The following KALRN variants were observed in gnomAD, a reference collection of about 807,000 sequenced individuals.
KALRN encodes the protein kalirin.
In KALRN, 70 loss-of-function variants were observed where a neutral mutation model predicts 353.7. That is an observed-to-expected ratio of 0.20 (90% CI 0.16 to 0.24). KALRN has a LOEUF of 0.24. Ranked by LOEUF, KALRN falls within the 10% of genes least tolerant of loss-of-function variation. The pLI, the probability that KALRN is intolerant of heterozygous loss-of-function variation, is 1.00. For synonymous variants in KALRN, 1,391 were observed against 1,434.8 expected (o/e 0.97, Z 0.69); for missense variants, 2,791 against 3,756.7 (o/e 0.74, Z 6.72).
At chr3:124,270,886 G>A (rs1191580256) in intron 5 of KALRN, among the ~76,000 whole-genome samples, 2 of 141,600 alleles carry the variant, frequency 1.4e-5, no homozygotes, top group African/African-American at 2.6e-5. Flanking sequence ...CTGAAGTGCA[G>A]TGGCACCATC....
chr3:124,348,771 G>A (rs1049910931), intron 10 of KALRN, among the ~76,000 whole-genome samples: 2 of 152,148 alleles, frequency 1.3e-5, no homozygotes, highest in South Asian at 2.1e-4. Flanking sequence ...AGGCTGGAGT[G>A]CAGTGATGTG....
intron 37 of KALRN, 68 bp from the exon 38 acceptor site, chr3:124,650,740 G>T: frequency 6.7e-7 from 1 of 1,492,330 alleles, no homozygotes; most frequent in Non-Finnish European, 9.3e-7. Flanking sequence ...GCTAGGCTGG[G>T]AGGACACAGG....
At chr3:124,232,621 C>T (rs1274014713) in intron 2 of KALRN, among the ~76,000 whole-genome samples, 1 of 152,120 alleles carries the variant, frequency 6.6e-6, no homozygotes, top group Non-Finnish European at 1.5e-5. Flanking sequence ...CATTCCTCTC[C>T]TTTTTTCTAT....
intron 1 of KALRN, among the ~76,000 whole-genome samples, chr3:124,091,637 C>T (rs1240576005): frequency 6.6e-6 from 1 of 152,162 alleles, no homozygotes; most frequent in East Asian, 1.9e-4. Flanking sequence ...TCCGGATGGG[C>T]ATCAGCCCTC....
chr3:124,500,411 C>T (rs1300361873), intron 33 of KALRN, among the ~76,000 whole-genome samples: 4 of 152,190 alleles, frequency 2.6e-5, no homozygotes, highest in Non-Finnish European at 5.9e-5. Flanking sequence ...CCCAACACCC[C>T]TCCTCATTTC....
intron 6 of KALRN, among the ~76,000 whole-genome samples, chr3:124,325,536 A>G (rs117407704): frequency 1.3e-5 from 2 of 152,178 alleles, no homozygotes; most frequent in East Asian, 3.9e-4. Flanking sequence ...TGTTTGTTGT[A>G]TGTAGATGGC....
chr3:124,242,013 G>A (rs1181663699), intron 3 of KALRN, among the ~76,000 whole-genome samples: 1 of 152,190 alleles, frequency 6.6e-6, no homozygotes, highest in East Asian at 1.9e-4. Context: ...GCAGAGGATA[G>A]GGCAGAGAGG....
At position 124,492,876 on chromosome 3, in the gene KALRN, G is replaced by A. The variant is rs2063317509; in HGVS notation, c.4826G>A (p.Ser1609Asn). 1.9e-6 allele frequency: 3 copies of A among 1,613,962 alleles called. No individual in the cohort carries two copies. Among genetic ancestry groups the A allele is most frequent in the Non-Finnish European group, 2.5e-6 (3 of 1,179,960 alleles). Reference sequence around the variant, plus strand: ...ACACCAGCCAAACAGAGGAACAATAGTAAGAGGTAACCAGCACCTCTCCCT... The same window carrying A: ...ACACCAGCCAAACAGAGGAACAATAATAAGAGGTAACCAGCACCTCTCCCT... Reference protein sequence around the residue: ...PKTPAKQRNNSKRDGVEDIDS... With the variant: ...PKTPAKQRNNNKRDGVEDIDS... The change falls in exon 32 of 60, where the codon AGT becomes AAT. Residue 1609 changes from serine (S) to asparagine (N), a missense_variant. By Grantham distance (46) the Ser-to-Asn change is conservative. Transcript: ENST00000682506.
intron 47 of KALRN, among the ~76,000 whole-genome samples, chr3:124,669,759 T>C (rs1042340462): frequency 1.3e-5 from 2 of 152,208 alleles, no homozygotes; most frequent in Non-Finnish European, 2.9e-5. Flanking sequence ...TCAAGTCCCT[T>C]ACATAAAATG....
intron 8 of KALRN, among the ~76,000 whole-genome samples, chr3:124,332,831 A>G (rs773375221): frequency 4.6e-5 from 7 of 152,210 alleles, no homozygotes; most frequent in Non-Finnish European, 2.9e-5. Flanking sequence ...AGAGCAAAGT[A>G]TTTTAAAAGG....
chr3:124,579,868 C>A (rs1420626106), intron 34 of KALRN, among the ~76,000 whole-genome samples: 1 of 152,160 alleles, frequency 6.6e-6, no homozygotes, highest in Non-Finnish European at 1.5e-5. Context: ...CTGAACCAAT[C>A]CCTGTGGCTG....
At chr3:124,232,233 C>T (rs569861277) in intron 2 of KALRN, among the ~76,000 whole-genome samples, 1 of 152,306 alleles carries the variant, frequency 6.6e-6, no homozygotes, top group South Asian at 2.1e-4. Flanking sequence ...AAGCTTTCAA[C>T]AGAGCTTTCG....
chr3:124,590,703 C>A (rs2149354728), intron 34 of KALRN, among the ~76,000 whole-genome samples: 1 of 152,134 alleles, frequency 6.6e-6, no homozygotes, highest in Non-Finnish European at 1.5e-5. Context: ...AGTAGCACAT[C>A]CTGCCCCTTC....
rs1445278551 is a variant in KALRN, at chr3:124,496,006, TATATATACACACAC to T, written c.4833-295_4833-282del. Among the ~76,000 whole-genome samples, 42 of 54,946 alleles carry T rather than the reference TATATATACACACAC, an allele frequency of 7.6e-4. 4 individuals carry two copies. The South Asian group carries it at 8.3e-3, about 11-fold the overall frequency. The allele number at this position is 54,946 out of a possible 152,430, so 36.0% of individuals were successfully genotyped here. ...ATATATATATATATATATATATATATATATATACACACACATATATACATACATACACCCCCTCT... is the reference window on the plus strand; with the variant it reads ...ATATATATATATATATATATATATATATATATACATACATACACCCCCTCT... On this transcript the variant is annotated intron_variant, in intron 32 of 59. Coordinates refer to ENST00000682506, the MANE Select transcript of KALRN (RefSeq NM_001388419.1).
intron 15 of KALRN, among the ~76,000 whole-genome samples, chr3:124,428,565 G>A (rs2093132201): frequency 6.6e-6 from 1 of 152,122 alleles, no homozygotes; most frequent in African/African-American, 2.4e-5. Flanking sequence ...CTATGTCCAG[G>A]ACTGACTCAT....
intron 33 of KALRN, among the ~76,000 whole-genome samples, chr3:124,502,496 T>C (rs1196783458): frequency 3.9e-5 from 6 of 151,984 alleles, no homozygotes; most frequent in African/African-American, 1.4e-4. Context: ...AGGGAGGAAA[T>C]GTGATGTAAA....
At chr3:124,143,356 A>G (rs1005487912) in intron 1 of KALRN, among the ~76,000 whole-genome samples, 11 of 152,150 alleles carry the variant, frequency 7.2e-5, no homozygotes, top group Middle Eastern at 3.2e-3. Context: ...ATTGAGCCCA[A>G]TGGGAAGTAC....
At chr3:124,548,810 C>A (rs538692757) in intron 33 of KALRN, among the ~76,000 whole-genome samples, 2 of 152,196 alleles carry the variant, frequency 1.3e-5, no homozygotes, top group African/African-American at 2.4e-5. Context: ...TGTGCCACCA[C>A]GCCCGGCTAA....
chr3:124,287,045 A>G (rs1313679893), intron 5 of KALRN, among the ~76,000 whole-genome samples: 1 of 152,126 alleles, frequency 6.6e-6, no homozygotes, highest in Non-Finnish European at 1.5e-5. Flanking sequence ...TATGGTAGGT[A>G]TATTTTTATC....
Sources: gnomAD v4.1 joint callset for allele counts (sites outside exome capture counted in the v4.1 genomes callset) on GRCh38, gnomAD v4.1.1 for gene constraint, MANE v1.5 for transcripts, NCBI Gene and HGNC (gene_info 2026-07-23, HGNC 2026-07-21) for gene names.